The following DTNA variants were observed in gnomAD, a reference collection of about 807,000 sequenced individuals.
The protein encoded by DTNA is dystrophin-related protein 3.
Under a neutral mutation model 100.7 loss-of-function variants are expected in DTNA, and 43 were observed. The observed-to-expected ratio is 0.43, with a 90% confidence interval of 0.33 to 0.55. The LOEUF (loss-of-function observed/expected upper bound fraction) is 0.55. DTNA is among the 20% of genes least tolerant of loss of function. The probability of loss-of-function intolerance (pLI) is 0.04; values close to 1 mark genes in which losing one functional copy is unlikely to be tolerated. For missense variants in DTNA, 798 were observed against 953.9 expected (o/e 0.84, Z 2.15); for synonymous variants, 349 against 347.9 (o/e 1.00, Z -0.04).
chr18:34,669,315 T>A lies in DTNA; in HGVS notation c.-1-86661T>A, dbSNP rs1384603054. ...TCCGTCCCTTTATTTTGAGCCTATG[T>A]GTGTCTCTGCACGTGAGATGGGTTT... On this transcript the variant is annotated intron_variant, in intron 1 of 19. Coordinates refer to the DTNA transcript ENST00000283365. 2.0e-5 allele frequency among the ~76,000 whole-genome samples: 3 copies of A among 152,316 alleles called. No homozygotes were observed. The South Asian group carries it at 6.2e-4, about 32-fold the overall frequency.
chr18:34,677,724 T>A lies in DTNA; in HGVS notation c.-1-78252T>A, dbSNP rs560279998. On this transcript the variant is annotated intron_variant, in intron 1 of 19. Transcript: ENST00000283365. ...CATGTACTTTAAGAAACAAAAAATA[T>A]CTGAAAGTACTACTGTTGTAATAAT... Among the ~76,000 whole-genome samples, 103 of 152,212 alleles carry A rather than the reference T, an allele frequency of 6.8e-4. 1 individual carries two copies. Among genetic ancestry groups the A allele is most frequent in the Non-Finnish European group, 1.3e-3 (86 of 68,008 alleles).
chr18:34,804,404 G>A (rs1017523351), intron 4 of DTNA, among the ~76,000 whole-genome samples: 2 of 152,176 alleles, frequency 1.3e-5, no homozygotes, highest in African/African-American at 4.8e-5. Flanking sequence ...TGCAAGCAGA[G>A]AGATCATTTC....
chr18:34,834,642 T>C (rs1368436711), intron 11 of DTNA, among the ~76,000 whole-genome samples: 1 of 152,100 alleles, frequency 6.6e-6, no homozygotes, highest in Admixed American at 6.5e-5. Flanking sequence ...TGTGCCAAGA[T>C]CACATGAGGA....
chr18:34,573,397 C>T (rs560737824), intron 1 of DTNA, among the ~76,000 whole-genome samples: 16 of 152,252 alleles, frequency 1.1e-4, no homozygotes, highest in South Asian at 6.2e-4. Flanking sequence ...TGCCTAAAAT[C>T]CCGTTTTAAG....
upstream of DTNA, among the ~76,000 whole-genome samples, chr18:34,709,072 C>A (rs2082467799): frequency 6.6e-6 from 1 of 152,154 alleles, no homozygotes; most frequent in Non-Finnish European, 1.5e-5. Flanking sequence ...CTGTGCAGAT[C>A]TCTGAAGGGT....
In DTNA at chr18:34,626,658, A is replaced by C. The variant is rs887411177; in HGVS notation, c.-1-129318A>C. On this transcript the variant is annotated intron_variant, in intron 1 of 19. Transcript: ENST00000283365. ...TATGAGGGGAAAATCAGGGAAGATC[A>C]GTTCAATTTCCACCCAAAACACAGT... 7.2e-5 allele frequency among the ~76,000 whole-genome samples: 11 copies of C among 152,328 alleles called. No homozygotes were observed. In the East Asian group the frequency reaches 2.1e-3, roughly 29 times the overall value.
At chr18:34,529,388 G>A (rs867556104) in intron 1 of DTNA, among the ~76,000 whole-genome samples, 2 of 152,056 alleles carry the variant, frequency 1.3e-5, no homozygotes, top group African/African-American at 2.4e-5. Flanking sequence ...GTTGAAGACA[G>A]TATAATGGTA....
chr18:34,586,614 G>A (rs9958323), intron 1 of DTNA, among the ~76,000 whole-genome samples: 3 of 152,104 alleles, frequency 2.0e-5, no homozygotes, highest in Admixed American at 6.5e-5. Flanking sequence ...CAGAATTGTC[G>A]TATTTCTAAC....
intron 4 of DTNA, among the ~76,000 whole-genome samples, chr18:34,797,261 A>C (rs1016085712): frequency 1.3e-5 from 2 of 152,204 alleles, no homozygotes; most frequent in Non-Finnish European, 2.9e-5. Flanking sequence ...ACTTCTAAGC[A>C]AATCTCTCCA....
At chr18:34,584,727 C>G (rs1334958050) in intron 1 of DTNA, among the ~76,000 whole-genome samples, 1 of 152,058 alleles carries the variant, frequency 6.6e-6, no homozygotes, top group Non-Finnish European at 1.5e-5. Context: ...ACTGGGGGAA[C>G]TCATGCATAT....
intron 1 of DTNA, among the ~76,000 whole-genome samples, chr18:34,499,970 A>G (rs545660343): frequency 5.9e-5 from 9 of 152,306 alleles, no homozygotes; most frequent in Admixed American, 2.0e-4. Flanking sequence ...GTAAATAACT[A>G]TTGAACTCAT....
Position 34,851,822 on chromosome 18 carries a change from AT to A in DTNA, c.1435-5del, listed in dbSNP as rs754831950. On this transcript the variant is annotated splice_region_variant and splice_polypyrimidine_tract_variant and intron_variant, in intron 14 of 22. Transcript: ENST00000444659. Reference sequence around the variant, plus strand: ...CAATATGAAATCTTATAAACTACATATTTTACAGCAGCCACCTCAGCAGAGA... The same window carrying A: ...CAATATGAAATCTTATAAACTACATATTTACAGCAGCCACCTCAGCAGAGA... The A allele has an allele frequency of 3.1e-6, 5 of 1,613,836 alleles. No individual in the cohort carries two copies. The highest frequency in any genetic ancestry group is 4.2e-6 in the Non-Finnish European group (5 of 1,179,796).
intron 1 of DTNA, among the ~76,000 whole-genome samples, chr18:34,659,001 T>C (rs139723208): frequency 7.0e-4 from 107 of 152,322 alleles, no homozygotes; most frequent in African/African-American, 2.5e-3. Flanking sequence ...CTTAGAGAAC[T>C]GGGATTTTCA....
chr18:34,695,311 A>G (rs1476784888), intron 1 of DTNA, among the ~76,000 whole-genome samples: 1 of 151,930 alleles, frequency 6.6e-6, no homozygotes, highest in Non-Finnish European at 1.5e-5. Flanking sequence ...TCACTAAAAT[A>G]TTATTAATCC....
At chr18:34,503,595 T>G (rs958219508) in intron 1 of DTNA, among the ~76,000 whole-genome samples, 1 of 152,156 alleles carries the variant, frequency 6.6e-6, no homozygotes, top group Non-Finnish European at 1.5e-5. Flanking sequence ...AGTTGGCTCA[T>G]ATTTTTAATG....
chr18:34,686,800 A>G (rs980455755), intron 1 of DTNA, among the ~76,000 whole-genome samples: 8 of 152,038 alleles, frequency 5.3e-5, no homozygotes, highest in Non-Finnish European at 1.2e-4. Flanking sequence ...GTGGTAGACT[A>G]TTAATTACTG....
intron 1 of DTNA, among the ~76,000 whole-genome samples, chr18:34,689,553 A>T (rs1368482145): frequency 6.6e-6 from 1 of 152,148 alleles, no homozygotes; most frequent in Admixed American, 6.5e-5. Context: ...GATGCCAGCC[A>T]GAGCTATTCT....
chr18:34,821,889 T>C (rs2095732424), intron 9 of DTNA, among the ~76,000 whole-genome samples: 1 of 152,168 alleles, frequency 6.6e-6, no homozygotes, highest in Non-Finnish European at 1.5e-5. Context: ...CTGTGGTGGG[T>C]ATGAGACCTT....
intron 3 of DTNA, among the ~76,000 whole-genome samples, chr18:34,790,732 T>C (rs1484233126): frequency 1.3e-5 from 2 of 151,766 alleles, no homozygotes; most frequent in Admixed American, 6.6e-5. Context: ...CAAATTACGG[T>C]TTAGAAATCA....
Sources: allele counts gnomAD v4.1 joint callset (sites outside exome capture counted in the v4.1 genomes callset), GRCh38; gene constraint gnomAD v4.1.1; transcripts MANE v1.5; gene names NCBI Gene and HGNC (gene_info 2026-07-23, HGNC 2026-07-21).